Variants in GAPVD1 observed in about 807,000 individuals in gnomAD.
The protein encoded by GAPVD1 is GTPase activating protein and VPS9 domains 1.
In GAPVD1, 35 loss-of-function variants were observed where a neutral mutation model predicts 155.5. That is an observed-to-expected ratio of 0.23 (90% confidence interval 0.17 to 0.30). The LOEUF is 0.30. Ranked by LOEUF, GAPVD1 falls within the 10% of genes least tolerant of loss-of-function variation. The pLI is 1.00. For synonymous variants in GAPVD1, 636 were observed against 619.7 expected (o/e 1.03, Z -0.39); for missense variants, 1,429 against 1,775.7 (o/e 0.80, Z 3.51).
chr9:125,338,979 T>C (rs1847455636), intron 17 of GAPVD1, among the ~76,000 whole-genome samples: 1 of 151,280 alleles, frequency 6.6e-6, no homozygotes. Flanking sequence ...TTTGTTGTTG[T>C]TGTGGTTTGT....
chr9:125,347,706 G>A (rs189539419), intron 20 of GAPVD1, among the ~76,000 whole-genome samples: 40 of 136,968 alleles, frequency 2.9e-4, no homozygotes, highest in African/African-American at 1.1e-3. Context: ...GGGCAAAAGA[G>A]CAAGACCCTG....
At chr9:125,335,323 GTTAT>G (rs745821570) in intron 15 of GAPVD1, 112 of 534,686 alleles carry the variant, frequency 2.1e-4, no homozygotes, top group Admixed American at 4.0e-4. Flanking sequence ...GAAAATAATA[GTTAT>G]TTATTTATTT....
intron 15 of GAPVD1, chr9:125,336,767 G>C (rs1847076772): frequency 2.2e-6 from 1 of 458,308 alleles, no homozygotes; most frequent in Non-Finnish European, 3.9e-6. Flanking sequence ...ACTAGCATTT[G>C]GCCATTAGAA....
At chr9:125,270,008 G>A (rs1834631870) in intron 2 of GAPVD1, among the ~76,000 whole-genome samples, 1 of 152,008 alleles carries the variant, frequency 6.6e-6, no homozygotes, top group South Asian at 2.1e-4. Flanking sequence ...AAGCCACCAT[G>A]CTTGGGCAGA....
Position 125,359,403 on chromosome 9 carries a change from T to G in GAPVD1, c.3972-17T>G. The G allele has an allele frequency of 1.4e-6, 2 of 1,468,740 alleles. No homozygotes were observed. The highest frequency in any genetic ancestry group is 1.4e-5 in the African/African-American group (1 of 72,370). 91.0% of individuals were successfully genotyped at this position (1,468,740 alleles called of 1,614,324 possible). Reference sequence around the variant, plus strand: ...TCTGAAATGAATGTTTACATGTGTATTTTGGGGGGTTTTCAGGGTTCTTCA... The same window carrying G: ...TCTGAAATGAATGTTTACATGTGTAGTTTGGGGGGTTTTCAGGGTTCTTCA... On this transcript the variant is annotated splice_polypyrimidine_tract_variant and intron_variant, in intron 25 of 27. Coordinates refer to ENST00000297933, the MANE Select transcript of GAPVD1 (RefSeq NM_001282680.3).
At chr9:125,346,594 T>A in intron 19 of GAPVD1, 1 of 570,412 alleles carries the variant, frequency 1.8e-6, no homozygotes, top group Middle Eastern at 3.2e-4. Context: ...CTGGTGATGA[T>A]GAGAAGGTGG....
intron 2 of GAPVD1, among the ~76,000 whole-genome samples, chr9:125,273,213 A>G (rs1835194038): frequency 1.3e-5 from 2 of 152,196 alleles, no homozygotes; most frequent in African/African-American, 4.8e-5. Context: ...AAAGTTCCAG[A>G]TAGGCACCCA....
At chr9:125,307,337 T>C in intron 6 of GAPVD1, 76 bp from the exon 7 acceptor site, 2 of 1,027,714 alleles carry the variant, frequency 1.9e-6, no homozygotes, top group Non-Finnish European at 2.8e-6. Flanking sequence ...TTTTTCATGC[T>C]TGTCCACCTT....
chr9:125,354,512 G>A, intron 23 of GAPVD1, 142 bp from the exon 24 acceptor site: 1 of 556,766 alleles, frequency 1.8e-6, no homozygotes, highest in South Asian at 2.7e-5. Flanking sequence ...TTGTATATGT[G>A]CTACTGAAGA....
intron 3 of GAPVD1, among the ~76,000 whole-genome samples, chr9:125,296,958 C>A (rs999729208): frequency 6.6e-6 from 1 of 152,172 alleles, no homozygotes; most frequent in African/African-American, 2.4e-5. Context: ...CCGTGCCCAA[C>A]CCAAGAAATT....
intron 4 of GAPVD1, 89 bp downstream of exon 4, chr9:125,299,195 C>A: frequency 1.5e-6 from 1 of 650,516 alleles, no homozygotes; most frequent in Non-Finnish European, 2.6e-6. Context: ...AATCTGTTTC[C>A]AACAAAGTGC....
chr9:125,280,396 CAAAAAAAAAAAAAA>C (rs750354567), intron 2 of GAPVD1, among the ~76,000 whole-genome samples: 4 of 57,338 alleles, frequency 7.0e-5, no homozygotes, highest in Non-Finnish European at 9.4e-5. Context: ...AAGTCCATCT[CAAAAAAAAAAAAAA>C]AAAAAAAAAA....
At chr9:125,317,414 T>C (rs1435272984) in intron 9 of GAPVD1, among the ~76,000 whole-genome samples, 2 of 150,322 alleles carry the variant, frequency 1.3e-5, no homozygotes, top group Non-Finnish European at 3.0e-5. Flanking sequence ...TCACCTGAAG[T>C]TGGGAGTTTG....
chr9:125,345,023 G>A (rs1848314666), intron 19 of GAPVD1, among the ~76,000 whole-genome samples: 1 of 152,092 alleles, frequency 6.6e-6, no homozygotes, highest in African/African-American at 2.4e-5. Context: ...ATTGGTTCCA[G>A]GACTCTTGCC....
At chr9:125,350,497 T>C (rs1380544366) in intron 22 of GAPVD1, 93 bp downstream of exon 22, 1 of 830,140 alleles carries the variant, frequency 1.2e-6, no homozygotes, top group African/African-American at 1.7e-5. Context: ...TGTACAGCAA[T>C]TCCATATGGT....
intron 11 of GAPVD1, among the ~76,000 whole-genome samples, chr9:125,324,658 C>T (rs1476292208): frequency 6.6e-6 from 1 of 152,136 alleles, no homozygotes; most frequent in Non-Finnish European, 1.5e-5. Flanking sequence ...CTGGCATTGC[C>T]TTGGCAGAAG....
intron 4 of GAPVD1, 65 bp downstream of exon 4, chr9:125,299,171 A>G (rs1840365759): frequency 5.0e-6 from 4 of 796,904 alleles, no homozygotes. Flanking sequence ...TAAATTAGTA[A>G]CTATAAATAA....
At chr9:125,329,362 C>T (rs1168234642) in intron 12 of GAPVD1, among the ~76,000 whole-genome samples, 1 of 152,160 alleles carries the variant, frequency 6.6e-6, no homozygotes, top group Non-Finnish European at 1.5e-5. Context: ...GTTAAACTCT[C>T]AGTGTTTTTA....
chr9:125,298,481 A>ATT (rs34644117), intron 3 of GAPVD1, among the ~76,000 whole-genome samples: 4,609 of 89,210 alleles, frequency 0.052, 726 homozygotes, highest in East Asian at 0.17. Context: ...ATGTAACCTA[A>ATT]TTTTTTTTTT....
Sources: gnomAD v4.1 joint callset for allele counts (sites outside exome capture counted in the v4.1 genomes callset) on GRCh38, gnomAD v4.1.1 for gene constraint, MANE v1.5 for transcripts, NCBI Gene and HGNC (gene_info 2026-07-23, HGNC 2026-07-21) for gene names.